The following RYR3 variants were observed in gnomAD, a reference collection of about 807,000 sequenced individuals.
RYR3 encodes brain ryanodine receptor-calcium release channel.
In RYR3, 207 loss-of-function variants were observed where a neutral mutation model predicts 584.3. The ratio of observed to expected loss-of-function variants is 0.35; its 90% confidence interval spans 0.32 to 0.40. The LOEUF is 0.40. Ranked by LOEUF, RYR3 falls within the 10% of genes least tolerant of loss-of-function variation. RYR3 has a pLI of 1.00. For synonymous variants in RYR3, 2,416 were observed against 2,248.5 expected (o/e 1.07, Z -2.11); for missense variants, 5,616 against 6,089.2 (o/e 0.92, Z 2.59).
intron 2 of RYR3, among the ~76,000 whole-genome samples, chr15:33,499,889 G>A (rs1207824744): frequency 6.6e-6 from 1 of 152,346 alleles, no homozygotes; most frequent in South Asian, 2.1e-4. Flanking sequence ...AGGCATGACT[G>A]TGTATGAACC....
At position 33,843,474 on chromosome 15, in the gene RYR3, C is replaced by G. The variant is rs746200681; in HGVS notation, c.13210-14C>G. On this transcript the variant is annotated splice_polypyrimidine_tract_variant and intron_variant, in intron 91 of 103. Transcript: ENST00000634891. Reference sequence around the variant, plus strand: ...CCAAAGCTCTTCTACTTCTGCCTGTCCTTTTCTTTGCAGCATTACCTGGCC... The same window carrying G: ...CCAAAGCTCTTCTACTTCTGCCTGTGCTTTTCTTTGCAGCATTACCTGGCC... 7.6e-6 allele frequency: 12 copies of G among 1,580,954 alleles called. No homozygotes were observed. The highest frequency in any genetic ancestry group is 1.3e-5 in the African/African-American group (1 of 74,516).
At chr15:33,592,695 C>G (rs762078874) in intron 16 of RYR3, among the ~76,000 whole-genome samples, 6 of 152,192 alleles carry the variant, frequency 3.9e-5, no homozygotes, top group African/African-American at 4.8e-5. Flanking sequence ...CAAGATACCC[C>G]CTGTCAGTCA....
chr15:33,799,832 G>A (rs190976233), intron 67 of RYR3, among the ~76,000 whole-genome samples: 1 of 152,314 alleles, frequency 6.6e-6, no homozygotes, highest in East Asian at 1.9e-4. Context: ...TATTTGAATT[G>A]TAGGACATTC....
intron 1 of RYR3, among the ~76,000 whole-genome samples, chr15:33,373,740 G>T (rs1352166653): frequency 6.6e-6 from 1 of 152,132 alleles, no homozygotes. Context: ...TAGTTCTGCT[G>T]CAGACATACA....
chr15:33,467,431 A>G (rs971641214), intron 1 of RYR3: 2 of 975,226 alleles, frequency 2.1e-6, no homozygotes. Flanking sequence ...CCCAGCCATC[A>G]GCTCAGAGCC....
intron 16 of RYR3, among the ~76,000 whole-genome samples, chr15:33,586,411 A>G (rs564042208): frequency 2.7e-4 from 41 of 152,324 alleles, no homozygotes; most frequent in African/African-American, 9.9e-4. Flanking sequence ...CACATGGCCA[A>G]CCGTATGGGA....
chr15:33,601,410 C>T lies in RYR3; in HGVS notation c.1789-9C>T. The T allele has an allele frequency of 6.2e-7, 1 of 1,611,426 alleles. No homozygotes were observed. The highest frequency in any genetic ancestry group is 1.1e-5 in the South Asian group (1 of 90,274). ...GGTCCTAAGGTTTGGTGGGTGTGTC[C>T]TGCTGCAGGTTCTGGATATCCTGTG... On this transcript the variant is annotated splice_polypyrimidine_tract_variant and intron_variant, in intron 16 of 103. Transcript: ENST00000634891.
chr15:33,685,615 C>T (rs1192283592), intron 38 of RYR3, among the ~76,000 whole-genome samples: 1 of 152,238 alleles, frequency 6.6e-6, no homozygotes, highest in Non-Finnish European at 1.5e-5. Context: ...ACAGAACTCT[C>T]TACCCCAAAT....
At chr15:33,812,084 G>A (rs1378365717) in intron 72 of RYR3, among the ~76,000 whole-genome samples, 1 of 152,116 alleles carries the variant, frequency 6.6e-6, no homozygotes, top group Non-Finnish European at 1.5e-5. Flanking sequence ...GAAGAGGAGT[G>A]TGGGACCTAA....
intron 36 of RYR3, among the ~76,000 whole-genome samples, chr15:33,665,241 C>T (rs74005941): frequency 6.6e-6 from 1 of 152,088 alleles, no homozygotes; most frequent in Non-Finnish European, 1.5e-5. Flanking sequence ...CAAACTGGCT[C>T]CCCCATTGCT....
chr15:33,747,976 A>G (rs1300836939), intron 53 of RYR3, 138 bp from the exon 54 acceptor site: 1 of 725,642 alleles, frequency 1.4e-6, no homozygotes, highest in East Asian at 2.5e-5. Context: ...GCCACAAAGG[A>G]TGTTTTGACC....
In RYR3 at chr15:33,724,092, A is replaced by C. The variant is rs374637056; in HGVS notation, c.6828A>C (p.Glu2276Asp). The change falls in exon 45 of 104, where the codon GAA (glutamate) becomes GAC (aspartate). Residue 2276 changes from glutamate (E) to aspartate (D), a missense_variant. Physicochemically the swap from Glu to Asp is conservative, Grantham distance 45. Around this residue, in one of 9 missense-constraint regions of RYR3, gnomAD observed 1,280 missense variants for 1,426.2 expected, o/e 0.90. Transcript: ENST00000634891. ...EVSTGDDEEE[E>D]EIVHMGNAIM... is the part of the protein sequence containing the mutation. The stretch of plus-strand genomic sequence containing the variant: ...GCACGGGGGACGATGAAGAGGAAGA[A>C]GAAATCGTGCATATGGGCAATGCAA... 2.2e-5 allele frequency: 36 copies of C among 1,611,854 alleles called. No homozygotes were observed. Among genetic ancestry groups the C allele is most frequent in the Non-Finnish European group, 2.8e-5 (33 of 1,178,158 alleles).
chr15:33,813,623 G>A, intron 74 of RYR3, 44 bp downstream of exon 74: 1 of 1,435,582 alleles, frequency 7.0e-7, no homozygotes, highest in Non-Finnish European at 9.8e-7. Flanking sequence ...CCAGCGATGG[G>A]AATGGAGGTA....
At chr15:33,632,875 C>A in intron 23 of RYR3, 74 bp from the exon 24 acceptor site, 1 of 1,327,600 alleles carries the variant, frequency 7.5e-7, no homozygotes. Flanking sequence ...TTACCATGTG[C>A]TCTTGGTCTA....
chr15:33,741,086 T>C (rs2070046170), intron 51 of RYR3, among the ~76,000 whole-genome samples: 1 of 152,240 alleles, frequency 6.6e-6, no homozygotes, highest in Non-Finnish European at 1.5e-5. Context: ...GAGAAAACAT[T>C]ATACTCTAGC....
intron 1 of RYR3, among the ~76,000 whole-genome samples, chr15:33,324,930 A>C (rs180938430): frequency 6.6e-6 from 1 of 152,354 alleles, no homozygotes; most frequent in East Asian, 1.9e-4. Context: ...GCTTGTGAAG[A>C]CTGAGAAATC....
At chr15:33,481,264 A>G (rs1338820904) in intron 2 of RYR3, among the ~76,000 whole-genome samples, 1 of 152,130 alleles carries the variant, frequency 6.6e-6, no homozygotes, top group African/African-American at 2.4e-5. Flanking sequence ...ACCCCATTTT[A>G]CAATCTCTGG....
rs184041694 is a variant in RYR3, at chr15:33,329,046, C to T, written c.51+17950C>T. Among the ~76,000 whole-genome samples, 9 of 152,230 alleles carry T rather than the reference C, an allele frequency of 5.9e-5. No homozygotes were observed. In the East Asian group the frequency reaches 7.7e-4, roughly 13 times the overall value. ...TAAAGGAAATTTATGGTTAGAGTAA[C>T]GGCAGTTACTCCCTGCTTAGTGAAC... is the stretch of plus-strand genomic sequence containing the variant. On this transcript the variant is annotated intron_variant, in intron 1 of 103. Coordinates refer to ENST00000634891, the MANE Select transcript of RYR3 (RefSeq NM_001036.6).
chr15:33,778,588 A>AAGGC (rs887525594), intron 64 of RYR3, among the ~76,000 whole-genome samples: 12 of 152,340 alleles, frequency 7.9e-5, no homozygotes, highest in African/African-American at 2.6e-4. Context: ...CTGAGGAGGA[A>AAGGC]AGGCAGGGGA....
Sources: allele counts gnomAD v4.1 joint callset (sites outside exome capture counted in the v4.1 genomes callset), GRCh38; gene constraint gnomAD v4.1.1; regional missense constraint gnomAD v4.1.1; transcripts MANE v1.5; gene names NCBI Gene and HGNC (gene_info 2026-07-23, HGNC 2026-07-21).